ZNF35: variants seen among roughly 807,000 people sequenced by gnomAD.
The protein encoded by ZNF35 is zinc finger protein 35 (clone HF.10).
Under a neutral mutation model 45.9 loss-of-function variants are expected in ZNF35, and 31 were observed. The ratio of observed to expected loss-of-function variants is 0.68; its 90% CI spans 0.51 to 0.91. The LOEUF (loss-of-function observed/expected upper bound fraction) is 0.91. Ranked by LOEUF, ZNF35 falls within the 40% of genes least tolerant of loss-of-function variation. The pLI is 0.00. For missense variants in ZNF35, 515 were observed against 625.4 expected (o/e 0.82, Z 1.88); for synonymous variants, 205 against 220.2 (o/e 0.93, Z 0.61).
chr3:44,659,666 G>T lies in ZNF35; in HGVS notation c.1303G>T (p.Val435Phe), dbSNP rs1575518953. Residue 435 changes from valine (V) to phenylalanine (F), a missense_variant, in exon 4 of 4, where the codon GTC becomes TTC. Physicochemically the swap from Val to Phe is conservative, Grantham distance 50. Transcript: ENST00000396056. This position sits in a 1 kb window ranked among gnomAD's most constrained non-coding sequence, Gnocchi z 4.3. ...CTTCAGTCAGCTCTCTTGCCTTATT[G>T]TCCACCAGAGAATTCACAGTGGAGA... ...KAFSQLSCLI[V>F]HQRIHSGDLP... 1 of 1,614,184 alleles carries T rather than the reference G, an allele frequency of 6.2e-7. No individual in the cohort carries two copies. The highest frequency in any genetic ancestry group is 2.2e-5 in the East Asian group (1 of 44,888).
rs1703375386 is a variant in ZNF35, at chr3:44,660,111, G to A, written c.*164G>A. 1 of 728,466 alleles carries A rather than the reference G, an allele frequency of 1.4e-6. No individual in the cohort carries two copies. The highest frequency in any genetic ancestry group is 1.8e-5 in the African/African-American group (1 of 56,430). 45.1% of individuals were successfully genotyped at this position (728,466 alleles called of 1,614,324 possible). On this transcript the variant is annotated 3_prime_UTR_variant, in exon 4 of 4. Transcript: ENST00000396056. The stretch of plus-strand genomic sequence containing the variant: ...GAAGACACAAGAAAAGCATTTCAGA[G>A]GCTAATTTAAAACAAAAAGTAAGCA...
intron 3 of ZNF35, among the ~76,000 whole-genome samples, chr3:44,657,161 C>G (rs1455805195): frequency 6.6e-6 from 1 of 152,188 alleles, no homozygotes; most frequent in Non-Finnish European, 1.5e-5. Flanking sequence ...TTCCTGCCCC[C>G]AATATTGCTT....
chr3:44,659,747 C>T lies in ZNF35; in HGVS notation c.1384C>T (p.Leu462Phe). The change falls in exon 4 of 4, where the codon CTT becomes TTT. Residue 462 changes from leucine to phenylalanine, a missense_variant. Around this residue, in one of 3 missense-constraint regions of ZNF35, gnomAD observed 232 missense variants for 304.6 expected, o/e 0.76. Coordinates refer to ENST00000396056, the MANE Select transcript of ZNF35 (RefSeq NM_003420.4). The surrounding 1 kb of genome is among the most constrained non-coding windows in gnomAD (Gnocchi z 4.3). ...GKAFTCSSYL[L>F]IHQRIHNGEK... ...GGCCTTCACATGTAGCTCATACCTA[C>T]TTATTCATCAGAGAATTCATAATGG... 6.2e-7 allele frequency: 1 copy of T among 1,613,790 alleles called. No individual in the cohort carries two copies. Among genetic ancestry groups the T allele is most frequent in the Non-Finnish European group, 8.5e-7 (1 of 1,179,914 alleles).
chr3:44,658,906 C>T lies in ZNF35; in HGVS notation c.543C>T (p.Asp181=). ...KKDFRQVIVN[D]CHLPESFKEE... ...ATTTCAGACAAGTGATAGTGAATGA[C>T]TGTCACTTACCTGAAAGCTTCAAAG... is the stretch of plus-strand genomic sequence containing the variant. Residue 181 remains aspartate (D), a synonymous_variant, in exon 4 of 4, where the codon GAC becomes GAT. Coordinates refer to ENST00000396056, the MANE Select transcript of ZNF35 (RefSeq NM_003420.4). 1.9e-6 allele frequency: 3 copies of T among 1,613,158 alleles called. No individual in the cohort carries two copies. Among genetic ancestry groups the T allele is most frequent in the Non-Finnish European group, 2.5e-6 (3 of 1,179,836 alleles).
At chr3:44,652,532 T>A in intron 2 of ZNF35, 25 bp from the exon 3 acceptor site, 1 of 1,538,282 alleles carries the variant, frequency 6.5e-7, no homozygotes, top group Non-Finnish European at 8.8e-7. Flanking sequence ...AGTTCCCTCT[T>A]AAACATGTGC....
Position 44,660,127 on chromosome 3 carries a change from AAAGT to A in ZNF35, c.*184_*187del. The A allele has an allele frequency of 3.3e-6, 2 of 607,456 alleles. No homozygotes were observed. The highest frequency in any genetic ancestry group is 6.0e-5 in the East Asian group (2 of 33,218). 37.6% of individuals were successfully genotyped at this position (607,456 alleles called of 1,614,324 possible). ...CATTTCAGAGGCTAATTTAAAACAA[AAAGT>A]AAGCACCTAAAGGCAAGGACTTTGT... On this transcript the variant is annotated 3_prime_UTR_variant, in exon 4 of 4. Coordinates refer to ENST00000396056, the MANE Select transcript of ZNF35 (RefSeq NM_003420.4).
Position 44,650,960 on chromosome 3 carries a change from C to A in ZNF35, c.-108C>A. The A allele has an allele frequency of 9.1e-7, 1 of 1,102,572 alleles. No individual in the cohort carries two copies. Among genetic ancestry groups the A allele is most frequent in the Non-Finnish European group, 1.3e-6 (1 of 781,210 alleles). The allele number at this position is 1,102,572 out of a possible 1,614,324, so 68.3% of individuals were successfully genotyped here. A position where few individuals can be genotyped will look rare whatever the true frequency, so the allele number is the denominator to read the frequency against. On this transcript the variant is annotated 5_prime_UTR_variant, in exon 2 of 4. Coordinates refer to ENST00000396056, the MANE Select transcript of ZNF35 (RefSeq NM_003420.4). ...TCTCAGTAGGCAGTACTCATCTTGG[C>A]CCTGGGAAGAAACTCAAGAAGAAGC...
In ZNF35 at chr3:44,660,068, G is replaced by GT. The variant is rs1255403890; in HGVS notation, c.*125dup. 8 of 1,079,030 alleles carry GT rather than the reference G, an allele frequency of 7.4e-6. No individual in the cohort carries two copies. In the East Asian group the frequency reaches 2.1e-4, roughly 28 times the overall value. 66.8% of individuals were successfully genotyped at this position (1,079,030 alleles called of 1,614,324 possible). A position where few individuals can be genotyped will look rare whatever the true frequency, so the allele number is the denominator to read the frequency against. ...GAGGGCTGTGTCCTTAAAAGTTATA[G>GT]TTTTCAGGAATGCAGCAGAAGACAC... On this transcript the variant is annotated 3_prime_UTR_variant, in exon 4 of 4. Transcript: ENST00000396056.
Position 44,650,977 on chromosome 3 carries a change from A to G in ZNF35, c.-91A>G. On this transcript the variant is annotated 5_prime_UTR_variant, in exon 2 of 4. Transcript: ENST00000396056. ...CATCTTGGCCCTGGGAAGAAACTCA[A>G]GAAGAAGCTTTTGAAACATAAAGCT... 1.5e-6 allele frequency: 2 copies of G among 1,319,030 alleles called. No homozygotes were observed. The highest frequency in any genetic ancestry group is 2.1e-6 in the Non-Finnish European group (2 of 969,710). The allele number at this position is 1,319,030 out of a possible 1,614,324, so 81.7% of individuals were successfully genotyped here.
At position 44,659,309 on chromosome 3, in the gene ZNF35, A is replaced by G. The variant is rs752616054; in HGVS notation, c.946A>G (p.Ser316Gly). 12 of 1,614,054 alleles carry G rather than the reference A, an allele frequency of 7.4e-6. No individual in the cohort carries two copies. In the African/African-American group the frequency reaches 1.6e-4, roughly 22 times the overall value. Residue 316 changes from serine (S) to glycine (G), a missense_variant, in exon 4 of 4, where the codon AGT becomes GGT. By Grantham distance (56) the Ser-to-Gly change is moderately conservative. Coordinates refer to ENST00000396056, the MANE Select transcript of ZNF35 (RefSeq NM_003420.4). This position sits in a 1 kb window ranked among gnomAD's most constrained non-coding sequence, Gnocchi z 4.3. ...GTGCAATGAATGTGAGAAAGCCTTT[A>G]GTTACAGCTCACAACTTGCTCGGCA... The part of the protein sequence containing the change: ...FKCNECEKAF[S>G]YSSQLARHQK...
At position 44,651,266 on chromosome 3, in the gene ZNF35, G is replaced by T; in HGVS notation, c.192+7G>T. On this transcript the variant is annotated splice_region_variant and intron_variant, in intron 2 of 3. Coordinates refer to ENST00000396056, the MANE Select transcript of ZNF35 (RefSeq NM_003420.4). The stretch of plus-strand genomic sequence containing the variant: ...ATCAGAAGAGGAAGAAAAGGTAAAC[G>T]GGGGCCTGAGAGGAAGAGGGGAGGA... 1 of 1,610,238 alleles carries T rather than the reference G, an allele frequency of 6.2e-7. No individual in the cohort carries two copies.
Position 44,651,270 on chromosome 3 carries a change from G to C in ZNF35, c.192+11G>C. ...GAAGAGGAAGAAAAGGTAAACGGGG[G>C]CCTGAGAGGAAGAGGGGAGGAGATA... On this transcript the variant is annotated intron_variant, in intron 2 of 3. Coordinates refer to ENST00000396056, the MANE Select transcript of ZNF35 (RefSeq NM_003420.4). 1.2e-6 allele frequency: 2 copies of C among 1,609,068 alleles called. No individual in the cohort carries two copies. Among genetic ancestry groups the C allele is most frequent in the Non-Finnish European group, 1.7e-6 (2 of 1,178,004 alleles).
Position 44,659,733 on chromosome 3 carries a change from G to T in ZNF35, c.1370G>T (p.Cys457Phe). ...AATGAATGTGGGAAGGCCTTCACAT[G>T]TAGCTCATACCTACTTATTCATCAG... ...VCNECGKAFT[C>F]SSYLLIHQRI... is the part of the protein sequence containing the mutation. Residue 457 changes from cysteine to phenylalanine, a missense_variant, in exon 4 of 4, where the codon TGT (cysteine) becomes TTT (phenylalanine). Around this residue, in one of 3 missense-constraint regions of ZNF35, gnomAD observed 232 missense variants for 304.6 expected, o/e 0.76. Transcript: ENST00000396056. The surrounding 1 kb of genome is among the most constrained non-coding windows in gnomAD (Gnocchi z 4.3). 1 of 1,613,982 alleles carries T rather than the reference G, an allele frequency of 6.2e-7. No homozygotes were observed. Among genetic ancestry groups the T allele is most frequent in the Non-Finnish European group, 8.5e-7 (1 of 1,179,980 alleles).
chr3:44,649,372 A>G (rs1490477823), intron 1 of ZNF35, among the ~76,000 whole-genome samples: 5 of 152,248 alleles, frequency 3.3e-5, no homozygotes, highest in Non-Finnish European at 5.9e-5. Context: ...AATTCAGTGT[A>G]TACAGTAAGT....
chr3:44,651,355 C>A (rs1703199547), intron 2 of ZNF35, 96 bp downstream of exon 2: 2 of 1,206,690 alleles, frequency 1.7e-6, no homozygotes, highest in Admixed American at 2.6e-5. Context: ...CACCTGGAGT[C>A]TTATTTCTTG....
chr3:44,657,672 C>T (rs1199171626), intron 3 of ZNF35, among the ~76,000 whole-genome samples: 1 of 152,188 alleles, frequency 6.6e-6, no homozygotes, highest in Non-Finnish European at 1.5e-5. Context: ...GCAGGCTATG[C>T]CATAACTCAA....
chr3:44,654,647 T>C (rs1703264870), intron 3 of ZNF35, among the ~76,000 whole-genome samples: 1 of 152,240 alleles, frequency 6.6e-6, no homozygotes, highest in Non-Finnish European at 1.5e-5. Context: ...GAGCAAGTTT[T>C]AACTGTAGTT....
Position 44,659,331 on chromosome 3 carries a change from G to A in ZNF35, c.968G>A (p.Arg323Gln), listed in dbSNP as rs780166371. ...KAFSYSSQLA[R>Q]HQKVHITEKC... is the part of the protein sequence containing the mutation. ...TTTAGTTACAGCTCACAACTTGCTC[G>A]GCACCAGAAAGTCCACATTACGGAA... is the stretch of plus-strand genomic sequence containing the variant. Residue 323 changes from arginine to glutamine, a missense_variant, in exon 4 of 4, where the codon CGG (arginine) becomes CAG (glutamine). This residue lies in a region of ZNF35 where 232 missense variants were observed against 304.6 expected (regional missense o/e 0.76). Coordinates refer to ENST00000396056, the MANE Select transcript of ZNF35 (RefSeq NM_003420.4). This position sits in a 1 kb window ranked among gnomAD's most constrained non-coding sequence, Gnocchi z 4.3. 8.1e-6 allele frequency: 13 copies of A among 1,614,010 alleles called. No individual in the cohort carries two copies. The highest frequency in any genetic ancestry group is 2.2e-5 in the East Asian group (1 of 44,884).
intron 2 of ZNF35, among the ~76,000 whole-genome samples, chr3:44,651,718 A>G (rs1316429812): frequency 6.6e-6 from 1 of 151,924 alleles, no homozygotes; most frequent in Non-Finnish European, 1.5e-5. Flanking sequence ...CTGTAGTCTC[A>G]GCTACTTGGG....
Sources: gnomAD v4.1 joint callset for allele counts (sites outside exome capture counted in the v4.1 genomes callset) on GRCh38, gnomAD v4.1.1 for gene constraint, gnomAD v4.1.1 regional missense constraint, Gnocchi (gnomAD v3.1) non-coding constraint, MANE v1.5 for transcripts, NCBI Gene and HGNC (gene_info 2026-07-23, HGNC 2026-07-21) for gene names.